SLC25A21: variants seen among roughly 807,000 people sequenced by gnomAD.
SLC25A21 encodes the protein mitochondrial 2-oxodicarboxylate carrier.
Under a neutral mutation model 43.8 loss-of-function variants are expected in SLC25A21, and 47 were observed. The ratio of observed to expected loss-of-function variants is 1.07; its 90% confidence interval spans 0.85 to 1.37. The LOEUF is 1.37. Among genes scored for constraint, SLC25A21 ranks in the 40% most tolerant of loss-of-function variants. The probability of loss-of-function intolerance (pLI) is 0.00; values close to 1 mark genes in which losing one functional copy is unlikely to be tolerated. For missense variants in SLC25A21, 352 were observed against 350.2 expected, an observed-to-expected ratio of 1.00 and a Z score of -0.04; for synonymous variants, 131 against 121.3, an observed-to-expected ratio of 1.08 and a Z score of -0.52.
intron 3 of SLC25A21, among the ~76,000 whole-genome samples, chr14:36,760,511 G>A (rs1886112327): frequency 1.3e-5 from 2 of 152,140 alleles, no homozygotes; most frequent in African/African-American, 4.8e-5. Flanking sequence ...TTGAGTGGGA[G>A]AGAAAAATTG....
intron 1 of SLC25A21, among the ~76,000 whole-genome samples, chr14:37,003,472 G>GA (rs1478470067): frequency 6.6e-6 from 1 of 152,168 alleles, no homozygotes; most frequent in Non-Finnish European, 1.5e-5. Context: ...AAGAGGGGGG[G>GA]ACTATTGTAT....
rs144752610 is a variant in SLC25A21 at position 36,710,811 on chromosome 14, G to C, written c.603+507C>G. ...TTGTTATTTTGCCTCAAAAGCAAAT[G>C]ATTCTAGAAGAATTGATTAACTACC... On this transcript the variant is annotated intron_variant, in intron 7 of 9. Transcript: ENST00000331299. Among the ~76,000 whole-genome samples, 1,048 of 152,184 alleles carry C rather than the reference G, an allele frequency of 6.9e-3. 8 individuals are homozygous for C. Among genetic ancestry groups the C allele is most frequent in the African/African-American group, 0.023 (968 of 41,522 alleles).
chr14:36,779,427 T>C (rs1886957901), intron 3 of SLC25A21, among the ~76,000 whole-genome samples: 1 of 143,236 alleles, frequency 7.0e-6, no homozygotes, highest in Admixed American at 7.2e-5. Flanking sequence ...ATATAAAGAA[T>C]ATTATCCAGG....
chr14:36,902,745 C>T (rs993555228), intron 1 of SLC25A21, among the ~76,000 whole-genome samples: 4 of 152,010 alleles, frequency 2.6e-5, no homozygotes, highest in African/African-American at 4.8e-5. Context: ...GCCTGTAATT[C>T]CAGCTTATTT....
At chr14:37,117,903 T>C (rs1213310104) in intron 1 of SLC25A21, among the ~76,000 whole-genome samples, 2 of 151,958 alleles carry the variant, frequency 1.3e-5, no homozygotes, top group Admixed American at 6.6e-5. Context: ...GGAAGTCCAA[T>C]CACTAAAGAT....
chr14:36,694,438 T>C (rs1159389618), intron 7 of SLC25A21, among the ~76,000 whole-genome samples: 1 of 152,248 alleles, frequency 6.6e-6, no homozygotes. Flanking sequence ...AGTAACAAGA[T>C]GGCTGGGTCA....
chr14:36,945,414 C>T (rs1232119846), intron 1 of SLC25A21, among the ~76,000 whole-genome samples: 1 of 152,164 alleles, frequency 6.6e-6, no homozygotes, highest in Non-Finnish European at 1.5e-5. Flanking sequence ...TTTGTACCCC[C>T]ACATTCACAG....
intron 1 of SLC25A21, among the ~76,000 whole-genome samples, chr14:37,096,293 G>T (rs1457942644): frequency 6.6e-6 from 1 of 152,126 alleles, no homozygotes; most frequent in Non-Finnish European, 1.5e-5. Flanking sequence ...TTAGTATACT[G>T]TCTTTGTCCT....
intron 1 of SLC25A21, among the ~76,000 whole-genome samples, chr14:37,040,365 GAGAGAGAGAGAA>G (rs1332086939): frequency 2.9e-5 from 1 of 34,688 alleles, no homozygotes. Context: ...AAGAAAGAGA[GAGAGAGAGAGAA>G]AGAAAGAAAG....
intron 2 of SLC25A21, among the ~76,000 whole-genome samples, chr14:36,831,505 A>T (rs180995849): frequency 6.6e-6 from 1 of 152,338 alleles, no homozygotes; most frequent in East Asian, 1.9e-4. Context: ...GTACCCAGAT[A>T]TATGTAGCAT....
At chr14:36,821,939 T>A (rs1888651945) in intron 2 of SLC25A21, among the ~76,000 whole-genome samples, 1 of 152,074 alleles carries the variant, frequency 6.6e-6, no homozygotes, top group Non-Finnish European at 1.5e-5. Context: ...GTTCGAAGGG[T>A]GTGGTTTATA....
chr14:37,074,207 TAA>T lies in SLC25A21; in HGVS notation c.70+98072_70+98073del, dbSNP rs201320139. On this transcript the variant is annotated intron_variant, in intron 1 of 9. Transcript: ENST00000331299. ...AACAATAAAGCAAATCAACTGCAGT[TAA>T]AAAAAAAAAAAACCTCTGTTTTTAT... Among the ~76,000 whole-genome samples the T allele has an allele frequency of 3.3e-3, 478 of 145,510 alleles. 1 individual carries two copies. Among genetic ancestry groups the T allele is most frequent in the African/African-American group, 4.4e-3 (180 of 40,490 alleles).
chr14:36,858,015 T>A (rs1161927277), intron 2 of SLC25A21, among the ~76,000 whole-genome samples: 1 of 152,256 alleles, frequency 6.6e-6, no homozygotes, highest in African/African-American at 2.4e-5. Flanking sequence ...ATTAGGCTAA[T>A]CATTAGTCAT....
chr14:37,085,697 G>A lies in SLC25A21; in HGVS notation c.70+86584C>T, dbSNP rs779736525. ...GAGCATTATGAGCTGTAATTCACTC[G>A]ACTGAAGTGTAGATTATCCCAGAAT... On this transcript the variant is annotated intron_variant, in intron 1 of 9. Coordinates refer to ENST00000331299, the MANE Select transcript of SLC25A21 (RefSeq NM_030631.4). Among the ~76,000 whole-genome samples the A allele has an allele frequency of 3.7e-4, 57 of 152,140 alleles. 1 individual carries two copies. Among genetic ancestry groups the A allele is most frequent in the Non-Finnish European group, 7.2e-4 (49 of 68,022 alleles).
chr14:37,083,113 G>C (rs1462981282), intron 1 of SLC25A21, among the ~76,000 whole-genome samples: 1 of 152,152 alleles, frequency 6.6e-6, no homozygotes, highest in Non-Finnish European at 1.5e-5. Context: ...GGAGTTTTGT[G>C]TGCTCTGGTT....
At chr14:36,882,648 G>C (rs1890769818) in intron 1 of SLC25A21, among the ~76,000 whole-genome samples, 3 of 152,000 alleles carry the variant, frequency 2.0e-5, no homozygotes, top group Non-Finnish European at 4.4e-5. Context: ...CACTCTCTTG[G>C]TGATCTCATC....
At chr14:36,815,946 TC>T (rs1888440132) in intron 2 of SLC25A21, among the ~76,000 whole-genome samples, 1 of 152,198 alleles carries the variant, frequency 6.6e-6, no homozygotes. Flanking sequence ...AAAATGCTTT[TC>T]TTAGATTGTT....
chr14:36,781,779 C>T (rs1887071784), intron 3 of SLC25A21, among the ~76,000 whole-genome samples: 2 of 152,176 alleles, frequency 1.3e-5, no homozygotes, highest in Non-Finnish European at 2.9e-5. Context: ...TTATGCATCA[C>T]CATTACAGTA....
chr14:36,888,222 A>T (rs1890978872), intron 1 of SLC25A21, among the ~76,000 whole-genome samples: 1 of 152,196 alleles, frequency 6.6e-6, no homozygotes, highest in Non-Finnish European at 1.5e-5. Flanking sequence ...GGTCATTTTT[A>T]AAAATCTCCA....
Sources: gnomAD v4.1 joint callset for allele counts (sites outside exome capture counted in the v4.1 genomes callset) on GRCh38, gnomAD v4.1.1 for gene constraint, MANE v1.5 for transcripts, NCBI Gene and HGNC (gene_info 2026-07-23, HGNC 2026-07-21) for gene names.